The following LHFPL3 variants were observed in gnomAD, a reference collection of about 807,000 sequenced individuals.
The protein encoded by LHFPL3 is LHFPL tetraspan subfamily member 3, also known as LHFPL tetraspan subfamily member 3 protein.
A neutral mutation model predicts 19.3 loss-of-function variants in LHFPL3; 5 were observed. That is an observed-to-expected ratio of 0.26 (90% CI 0.14 to 0.54). The LOEUF (loss-of-function observed/expected upper bound fraction) is 0.54, where lower values mean the gene tolerates loss of function less well. Among genes scored for constraint, LHFPL3 ranks in the 20% least tolerant of loss-of-function variants. The pLI, the probability that LHFPL3 is intolerant of heterozygous loss-of-function variation, is 0.94. For missense variants in LHFPL3, 249 were observed against 307.4 expected (o/e 0.81, Z 1.42); for synonymous variants, 133 against 126.2 (o/e 1.05, Z -0.36).
chr7:104,597,420 G>T (rs2115677328), intron 1 of LHFPL3, among the ~76,000 whole-genome samples: 1 of 152,254 alleles, frequency 6.6e-6, no homozygotes, highest in South Asian at 2.1e-4. Context: ...TCTTTAAACT[G>T]ATCCCTTTGA....
intron 1 of LHFPL3, among the ~76,000 whole-genome samples, chr7:104,483,759 A>T (rs1026416291): frequency 1.3e-5 from 2 of 152,166 alleles, no homozygotes; most frequent in Middle Eastern, 6.8e-3. Context: ...GGGACTACAG[A>T]TGTGCACCAC....
chr7:104,371,439 C>T (rs1790613502), intron 1 of LHFPL3, among the ~76,000 whole-genome samples: 2 of 152,142 alleles, frequency 1.3e-5, no homozygotes, highest in South Asian at 4.1e-4. Context: ...GGCTAATTCA[C>T]GTGCAATCCC....
At chr7:104,782,584 C>G (rs1584531613) in intron 2 of LHFPL3, among the ~76,000 whole-genome samples, 1 of 152,234 alleles carries the variant, frequency 6.6e-6, no homozygotes, top group East Asian at 1.9e-4. Context: ...CTCCTGCTCC[C>G]ATGTGTGTGC....
chr7:104,758,743 G>A (rs951420176), intron 2 of LHFPL3, among the ~76,000 whole-genome samples: 3 of 152,038 alleles, frequency 2.0e-5, no homozygotes, highest in Admixed American at 1.3e-4. Flanking sequence ...AACAAGCTAC[G>A]AGATAGATGC....
intron 1 of LHFPL3, among the ~76,000 whole-genome samples, chr7:104,437,814 A>G (rs1002566351): frequency 6.6e-6 from 1 of 152,172 alleles, no homozygotes; most frequent in Non-Finnish European, 1.5e-5. Context: ...AGCAACTCAT[A>G]AGCTCTTCAA....
At chr7:104,587,902 G>A (rs1168832053) in intron 1 of LHFPL3, among the ~76,000 whole-genome samples, 2 of 152,168 alleles carry the variant, frequency 1.3e-5, no homozygotes, top group East Asian at 1.9e-4. Context: ...ATGTCTTTCG[G>A]CTGCATAAAT....
Position 104,549,448 on chromosome 7 carries a change from AACACACACACACACAC to A in LHFPL3, c.446-187200_446-187185del, listed in dbSNP as rs61148155. 1.9e-3 allele frequency among the ~76,000 whole-genome samples: 269 copies of A among 140,324 alleles called. 1 individual carries two copies. The highest frequency in any genetic ancestry group is 6.4e-3 in the African/African-American group (250 of 38,836). The allele number at this position is 140,324 out of a possible 152,430, so 92.1% of individuals were successfully genotyped here. ...TCCTTTTGGCACATGCCCTTAACCC[AACACACACACACACAC>A]ACACACACACACACACACACACACA... On this transcript the variant is annotated intron_variant, in intron 1 of 2. Transcript: ENST00000424859.
At chr7:104,565,710 C>CCTGT (rs1034742044) in intron 1 of LHFPL3, among the ~76,000 whole-genome samples, 53 of 135,834 alleles carry the variant, frequency 3.9e-4, no homozygotes, top group African/African-American at 1.2e-3. Flanking sequence ...CCTGCACCTT[C>CCTGT]CTGTCTGTCT....
chr7:104,811,660 G>A (rs565543225), intron 2 of LHFPL3, among the ~76,000 whole-genome samples: 79 of 152,328 alleles, frequency 5.2e-4, no homozygotes, highest in African/African-American at 1.9e-3. Flanking sequence ...TGTTGTTGCC[G>A]TGGTTGTGAT....
chr7:104,518,842 GATAGAATA>G (rs1391347412), intron 1 of LHFPL3, among the ~76,000 whole-genome samples: 91 of 148,102 alleles, frequency 6.1e-4, no homozygotes, highest in African/African-American at 1.2e-3. Context: ...TAGATAGATA[GATAGAATA>G]AATAAAAAAA....
chr7:104,771,655 T>A (rs1356167147), intron 2 of LHFPL3, among the ~76,000 whole-genome samples: 1 of 151,242 alleles, frequency 6.6e-6, no homozygotes, highest in Non-Finnish European at 1.5e-5. Context: ...TATTTTGTAG[T>A]CGCTAATAAA....
At chr7:104,529,861 C>T (rs1412770427) in intron 1 of LHFPL3, among the ~76,000 whole-genome samples, 2 of 152,028 alleles carry the variant, frequency 1.3e-5, no homozygotes, top group Non-Finnish European at 2.9e-5. Flanking sequence ...GCTGGATGAA[C>T]CAACAAGGAC....
At chr7:104,680,998 A>C (rs1039225675) in intron 1 of LHFPL3, among the ~76,000 whole-genome samples, 7 of 152,212 alleles carry the variant, frequency 4.6e-5, no homozygotes, top group Admixed American at 3.9e-4. Context: ...TTCCTATTTC[A>C]TATAGAGAAG....
At chr7:104,824,380 AAT>A (rs1491549363) in intron 2 of LHFPL3, among the ~76,000 whole-genome samples, 3 of 14,860 alleles carry the variant, frequency 2.0e-4, no homozygotes, top group African/African-American at 8.9e-4. Flanking sequence ...TTTTATATAT[AAT>A]ATATATAATT....
At chr7:104,764,099 A>T (rs1038164226) in intron 2 of LHFPL3, among the ~76,000 whole-genome samples, 2 of 152,112 alleles carry the variant, frequency 1.3e-5, no homozygotes, top group African/African-American at 2.4e-5. Flanking sequence ...CCTTTTATAC[A>T]ATGCATTTTT....
intron 1 of LHFPL3, among the ~76,000 whole-genome samples, chr7:104,447,824 A>G (rs1394998241): frequency 6.6e-6 from 1 of 152,128 alleles, no homozygotes; most frequent in Non-Finnish European, 1.5e-5. Context: ...TATACATTTT[A>G]TATCTATGGA....
chr7:104,363,778 C>A (rs2116414781), intron 1 of LHFPL3, among the ~76,000 whole-genome samples: 1 of 152,306 alleles, frequency 6.6e-6, no homozygotes, highest in South Asian at 2.1e-4. Flanking sequence ...AAAGCTTTCA[C>A]CCAGAGTGAC....
At chr7:104,497,392 C>A (rs1328482127) in intron 1 of LHFPL3, among the ~76,000 whole-genome samples, 1 of 149,856 alleles carries the variant, frequency 6.7e-6, no homozygotes, top group African/African-American at 2.4e-5. Context: ...AATTTAAACA[C>A]ACACACATAC....
intron 2 of LHFPL3, among the ~76,000 whole-genome samples, chr7:104,811,816 T>A (rs1790476973): frequency 6.6e-6 from 1 of 152,244 alleles, no homozygotes; most frequent in South Asian, 2.1e-4. Context: ...CCTGAAATAA[T>A]GTGAAGACAT....
Sources: allele counts gnomAD v4.1 joint callset (sites outside exome capture counted in the v4.1 genomes callset), GRCh38; gene constraint gnomAD v4.1.1; transcripts MANE v1.5; gene names NCBI Gene and HGNC (gene_info 2026-07-23, HGNC 2026-07-21).